MAPK6: variants seen among roughly 807,000 people sequenced by gnomAD.
MAPK6 encodes mitogen-activated protein kinase 6, also known as ERK-3.
Under a neutral mutation model 59.3 loss-of-function variants are expected in MAPK6, and 19 were observed. That is an observed-to-expected ratio of 0.32 (90% CI 0.22 to 0.47). The LOEUF is 0.47. Among genes scored for constraint, MAPK6 ranks in the 20% least tolerant of loss-of-function variants. The pLI, the probability that MAPK6 is intolerant of heterozygous loss-of-function variation, is 1.00. For synonymous variants in MAPK6, 316 were observed against 290.3 expected (o/e 1.09, Z -0.90); for missense variants, 724 against 847.9 (o/e 0.85, Z 1.81).
chr15:51,992,090 G>A (rs1256870577), intron 2 of MAPK6, among the ~76,000 whole-genome samples: 2 of 151,730 alleles, frequency 1.3e-5, no homozygotes, highest in African/African-American at 4.8e-5. Context: ...CTGAGTAGCT[G>A]GGGCTATAAG....
At chr15:52,008,076 A>G (rs1050163710) in intron 3 of MAPK6, among the ~76,000 whole-genome samples, 1 of 151,868 alleles carries the variant, frequency 6.6e-6, no homozygotes, top group African/African-American at 2.4e-5. Context: ...CAAACTCCTG[A>G]CCTCAGGTGA....
intron 1 of MAPK6, among the ~76,000 whole-genome samples, chr15:52,033,070 A>G (rs1208863212): frequency 6.6e-6 from 1 of 152,192 alleles, no homozygotes; most frequent in Admixed American, 6.5e-5. Flanking sequence ...ACTTCCTGAG[A>G]AGTAACTGGG....
rs371987419 is a variant in MAPK6, at chr15:52,064,472, T to C, written c.1638T>C (p.Val546=). The change falls in exon 6 of 6, where the codon GTT becomes GTC. Residue 546 remains valine, a synonymous_variant. Transcript: ENST00000261845. ...GTTCCCAGCATGAGCCTACTGATGT[T>C]GTTGATAAATTAAATGACTTGAATA... ...QLSSQHEPTD[V]VDKLNDLNSS... is the part of the protein sequence containing the mutation. The C allele has an allele frequency of 9.3e-6, 15 of 1,608,406 alleles. No individual in the cohort carries two copies. The highest frequency in any genetic ancestry group is 1.3e-5 in the Non-Finnish European group (15 of 1,178,132).
rs2032403000 is a variant in MAPK6, at chr15:52,065,857, T to G, written c.*857T>G. The G allele has an allele frequency of 6.6e-6, 1 of 152,650 alleles. No individual in the cohort carries two copies. Among genetic ancestry groups the G allele is most frequent in the Non-Finnish European group, 1.5e-5 (1 of 68,028 alleles). 9.5% of individuals were successfully genotyped at this position (152,650 alleles called of 1,614,324 possible). ...AATTTACTTAAGTGTTCATTTTAAG[T>G]AACGTGCTCACTGTGTATAGGAATT... is the stretch of plus-strand genomic sequence containing the variant. On this transcript the variant is annotated 3_prime_UTR_variant, in exon 6 of 6. Coordinates refer to ENST00000261845, the MANE Select transcript of MAPK6 (RefSeq NM_002748.4).
intron 1 of MAPK6, among the ~76,000 whole-genome samples, chr15:52,039,809 G>A (rs1024713451): frequency 5.9e-5 from 9 of 152,034 alleles, no homozygotes; most frequent in African/African-American, 1.7e-4. Context: ...GAGCCACCAC[G>A]CCCAGCCTGT....
At chr15:52,038,884 G>C (rs907521857) in intron 1 of MAPK6, among the ~76,000 whole-genome samples, 1 of 152,114 alleles carries the variant, frequency 6.6e-6, no homozygotes, top group Non-Finnish European at 1.5e-5. Context: ...ACCACCACAG[G>C]GCTTGGGAAT....
intron 2 of MAPK6, among the ~76,000 whole-genome samples, chr15:51,984,382 C>T (rs147068018): frequency 0.018 from 2,671 of 151,358 alleles, 79 homozygotes; most frequent in African/African-American, 0.061. Context: ...TCCGGGTTCA[C>T]GCCATTCTCC....
intron 2 of MAPK6, among the ~76,000 whole-genome samples, chr15:51,990,114 C>A (rs1308441842): frequency 1.3e-5 from 2 of 152,172 alleles, no homozygotes; most frequent in African/African-American, 4.8e-5. Context: ...TCATTCATTG[C>A]ACATCTGTGG....
At chr15:52,061,697 T>C (rs1188958454) in intron 5 of MAPK6, among the ~76,000 whole-genome samples, 197 bp downstream of exon 5, 3 of 152,064 alleles carry the variant, frequency 2.0e-5, no homozygotes, top group Non-Finnish European at 4.4e-5. Flanking sequence ...GGAAAATCAC[T>C]TGAACCCAAG....
chr15:52,036,990 C>T (rs1021560951), intron 1 of MAPK6, among the ~76,000 whole-genome samples: 13 of 152,068 alleles, frequency 8.5e-5, no homozygotes, highest in African/African-American at 2.9e-4. Context: ...ACATGCCATT[C>T]TGAATTGTTT....
At position 52,048,667 on chromosome 15, in the gene MAPK6, G is replaced by C. The variant is rs143743914; in HGVS notation, c.556-1326G>C. 1.8e-3 allele frequency among the ~76,000 whole-genome samples: 281 copies of C among 151,946 alleles called. 1 individual carries two copies. The highest frequency in any genetic ancestry group is 6.5e-3 in the African/African-American group (271 of 41,426). ...CTAGGCTGGAAGCGCGGTGGCCCCT[G>C]CCTGTAATCTCAGCACTTTAGGAGG... On this transcript the variant is annotated intron_variant, in intron 2 of 5. Coordinates refer to ENST00000261845, the MANE Select transcript of MAPK6 (RefSeq NM_002748.4).
Position 52,028,138 on chromosome 15 carries a change from G to A in MAPK6, c.-632+8762G>A, listed in dbSNP as rs188196958. On this transcript the variant is annotated intron_variant, in intron 1 of 5. Coordinates refer to ENST00000261845, the MANE Select transcript of MAPK6 (RefSeq NM_002748.4). ...CGGCTAATTTTTTGTATTTTTAGTA[G>A]AGACAGGGTTTCACCGTGTTAGCCA... is the stretch of plus-strand genomic sequence containing the variant. Among the ~76,000 whole-genome samples, 447 of 152,054 alleles carry A rather than the reference G, an allele frequency of 2.9e-3. 1 individual carries two copies. Among genetic ancestry groups the A allele is most frequent in the Non-Finnish European group, 3.9e-3 (268 of 67,982 alleles).
At chr15:52,061,170 T>G in intron 4 of MAPK6, 129 bp from the exon 5 acceptor site, 1 of 673,238 alleles carries the variant, frequency 1.5e-6, no homozygotes, top group Non-Finnish European at 2.6e-6. Context: ...GATGCTCATT[T>G]CCTGTTGTGT....
chr15:52,034,606 G>A (rs746755356), intron 1 of MAPK6, among the ~76,000 whole-genome samples: 12 of 151,512 alleles, frequency 7.9e-5, no homozygotes, highest in East Asian at 7.9e-4. Context: ...GTGCCCTGGC[G>A]AAGAGTTGTT....
intron 2 of MAPK6, among the ~76,000 whole-genome samples, chr15:51,994,207 A>G (rs2057218128): frequency 2.6e-5 from 4 of 151,920 alleles, no homozygotes; most frequent in Admixed American, 2.6e-4. Flanking sequence ...TGATCTGCCC[A>G]CCTCACCCTC....
intron 3 of MAPK6, among the ~76,000 whole-genome samples, chr15:52,055,714 C>G (rs1280108321): frequency 1.3e-5 from 2 of 152,136 alleles, no homozygotes; most frequent in Non-Finnish European, 2.9e-5. Flanking sequence ...CAGGATTTCA[C>G]CATATTGGTC....
chr15:51,979,872 A>G (rs1212169397), intron 1 of MAPK6, among the ~76,000 whole-genome samples: 1 of 151,910 alleles, frequency 6.6e-6, no homozygotes, highest in Non-Finnish European at 1.5e-5. Context: ...GGAAGACTGC[A>G]TCAGAAGCTG....
At chr15:52,011,603 T>C (rs750767121) in intron 3 of MAPK6, 28 of 152,212 alleles carry the variant, frequency 1.8e-4, no homozygotes, top group Non-Finnish European at 3.7e-4. Flanking sequence ...TAAAACAAGA[T>C]TATATATTCA....
chr15:52,019,453 G>GCGGCGGCGGCGGCGGCGA (rs2030407022), intron 1 of MAPK6, 77 bp downstream of exon 1: 1 of 147,114 alleles, frequency 6.8e-6, no homozygotes, highest in Non-Finnish European at 1.5e-5. Flanking sequence ...CCCGGCGGCG[G>GCGGCGGCGGCGGCGGCGA]CGGCGGCGGC....
Sources: allele counts gnomAD v4.1 joint callset (sites outside exome capture counted in the v4.1 genomes callset), GRCh38; gene constraint gnomAD v4.1.1; transcripts MANE v1.5; gene names NCBI Gene and HGNC (gene_info 2026-07-23, HGNC 2026-07-21).